Variants in SEPTIN7 observed in about 807,000 individuals in gnomAD.
SEPTIN7 encodes the protein septin 7.
Under a neutral mutation model 63.3 loss-of-function variants are expected in SEPTIN7, and 10 were observed. The ratio of observed to expected loss-of-function variants is 0.16; its 90% CI spans 0.10 to 0.27. The LOEUF (loss-of-function observed/expected upper bound fraction) is 0.27. Ranked by LOEUF, SEPTIN7 falls within the 10% of genes least tolerant of loss-of-function variation. The pLI is 1.00. For missense variants in SEPTIN7, 310 were observed against 521.0 expected (o/e 0.59, Z 3.94); for synonymous variants, 131 against 165.3 (o/e 0.79, Z 1.59).
chr7:35,830,393 C>T (rs1783773683), intron 1 of SEPTIN7, among the ~76,000 whole-genome samples: 3 of 152,034 alleles, frequency 2.0e-5, no homozygotes, highest in Non-Finnish European at 4.4e-5. Context: ...TTCATTGGTA[C>T]ACATTGGAAC....
intron 3 of SEPTIN7, among the ~76,000 whole-genome samples, chr7:35,848,512 C>G (rs1784807339): frequency 6.6e-6 from 1 of 151,950 alleles, no homozygotes; most frequent in African/African-American, 2.4e-5. Flanking sequence ...CCTCGTGATC[C>G]ACCCATTTTT....
chr7:35,845,172 G>A (rs80180703), intron 3 of SEPTIN7, among the ~76,000 whole-genome samples: 10,753 of 152,172 alleles, frequency 0.071, 427 homozygotes, highest in South Asian at 0.18. Context: ...TGTACTGTGA[G>A]TGACCACCCC....
intron 3 of SEPTIN7, among the ~76,000 whole-genome samples, chr7:35,851,915 T>C (rs1462867770): frequency 1.3e-5 from 2 of 152,140 alleles, no homozygotes; most frequent in Admixed American, 6.5e-5. Context: ...TTTTTACTTA[T>C]TTTGAGGCCA....
intron 1 of SEPTIN7, among the ~76,000 whole-genome samples, chr7:35,814,319 A>G (rs1434027095): frequency 1.3e-5 from 2 of 152,286 alleles, no homozygotes; most frequent in South Asian, 2.1e-4. Flanking sequence ...ACTCATTCTT[A>G]TAGATTTGTA....
chr7:35,819,492 T>C lies in SEPTIN7; in HGVS notation c.62-12000T>C, dbSNP rs530965786. 7.9e-5 allele frequency among the ~76,000 whole-genome samples: 12 copies of C among 152,280 alleles called. No homozygotes were observed. In the South Asian group the frequency reaches 2.5e-3, roughly 32 times the overall value. On this transcript the variant is annotated intron_variant, in intron 1 of 13. Coordinates refer to ENST00000350320, the MANE Select transcript of SEPTIN7 (RefSeq NM_001788.6). ...TTATAGTGTTGTTGAGTCTTCTGCT[T>C]CTTTATCATCTGTCTAGTTGTTTTA...
chr7:35,881,942 C>T (rs1786905011), intron 7 of SEPTIN7, among the ~76,000 whole-genome samples: 1 of 151,994 alleles, frequency 6.6e-6, no homozygotes, highest in South Asian at 2.1e-4. Context: ...CTTCCCTAAT[C>T]TTACACCTGT....
intron 1 of SEPTIN7, among the ~76,000 whole-genome samples, chr7:35,830,006 T>C (rs1400289856): frequency 6.6e-6 from 1 of 151,786 alleles, no homozygotes; most frequent in Non-Finnish European, 1.5e-5. Flanking sequence ...GCCAAGATGG[T>C]GAAACCCCAT....
intron 9 of SEPTIN7, among the ~76,000 whole-genome samples, chr7:35,885,481 TC>T (rs1355681151): frequency 6.6e-6 from 1 of 152,192 alleles, no homozygotes; most frequent in Non-Finnish European, 1.5e-5. Context: ...AAAGTGATTC[TC>T]CCTTCACTCA....
the SEPTIN7 span, among the ~76,000 whole-genome samples, chr7:35,913,978 A>C: frequency 6.6e-6 from 1 of 152,216 alleles, no homozygotes; most frequent in African/African-American, 2.4e-5. Context: ...GGAATAATAT[A>C]ATGCCAATTT....
intron 3 of SEPTIN7, among the ~76,000 whole-genome samples, chr7:35,852,380 C>G (rs1038514228): frequency 1.3e-5 from 2 of 151,644 alleles, no homozygotes; most frequent in Admixed American, 6.6e-5. Context: ...AGTTACACAA[C>G]TACTTTCTTA....
At chr7:35,821,310 T>C (rs566429085) in intron 1 of SEPTIN7, among the ~76,000 whole-genome samples, 1 of 152,366 alleles carries the variant, frequency 6.6e-6, no homozygotes, top group South Asian at 2.1e-4. Flanking sequence ...CTCCTTGCTT[T>C]TAATGAAGCA....
intron 1 of SEPTIN7, among the ~76,000 whole-genome samples, chr7:35,819,088 C>A (rs1340874891): frequency 6.6e-6 from 1 of 152,046 alleles, no homozygotes; most frequent in Non-Finnish European, 1.5e-5. Context: ...GCATTTACAG[C>A]TGTAAATTTC....
At chr7:35,831,018 G>A (rs1783808560) in intron 1 of SEPTIN7, among the ~76,000 whole-genome samples, 1 of 152,118 alleles carries the variant, frequency 6.6e-6, no homozygotes. Flanking sequence ...TCTTAATCCA[G>A]TGACTGACAA....
chr7:35,907,463 C>G (rs1788651406), downstream of SEPTIN7, among the ~76,000 whole-genome samples: 1 of 151,978 alleles, frequency 6.6e-6, no homozygotes, highest in South Asian at 2.1e-4. Context: ...AATACATTAT[C>G]TAATAAATGA....
chr7:35,891,138 T>C (rs1787613884), intron 11 of SEPTIN7, among the ~76,000 whole-genome samples: 1 of 152,214 alleles, frequency 6.6e-6, no homozygotes, highest in Admixed American at 6.5e-5. Context: ...GTGGTGTAAG[T>C]GACTACCAAG....
intron 3 of SEPTIN7, among the ~76,000 whole-genome samples, chr7:35,841,812 G>T (rs556631229): frequency 6.6e-6 from 1 of 152,304 alleles, no homozygotes; most frequent in Admixed American, 6.5e-5. Context: ...CATTTAGTAT[G>T]TAGTTTTCAT....
At chr7:35,838,256 C>A (rs1417271631) in intron 3 of SEPTIN7, among the ~76,000 whole-genome samples, 897 of 10,588 alleles carry the variant, frequency 0.085, 70 homozygotes, top group African/African-American at 0.21. Flanking sequence ...TTCCTTCCTT[C>A]CTTCCTTCCT....
chr7:35,914,649 C>CTA, the SEPTIN7 span, among the ~76,000 whole-genome samples: 3 of 110,948 alleles, frequency 2.7e-5, no homozygotes, highest in African/African-American at 8.3e-5. Flanking sequence ...CTCTCTCTCT[C>CTA]TCTCTCTCTC....
chr7:35,860,845 T>TCC (rs1785465554), intron 3 of SEPTIN7, among the ~76,000 whole-genome samples: 3 of 152,214 alleles, frequency 2.0e-5, no homozygotes, highest in African/African-American at 7.2e-5. Context: ...TATTTGGAGT[T>TCC]TGTTGAGATC....
Sources: allele counts gnomAD v4.1 joint callset (sites outside exome capture counted in the v4.1 genomes callset), GRCh38; gene constraint gnomAD v4.1.1; transcripts MANE v1.5; gene names NCBI Gene and HGNC (gene_info 2026-07-23, HGNC 2026-07-21).